SI: variants seen among roughly 807,000 people sequenced by gnomAD.
SI encodes sucrase-isomaltase, also known as sucrase-isomaltase, intestinal.
SI carries 235 observed loss-of-function variants against 253.3 expected under a neutral mutation model. The ratio of observed to expected loss-of-function variants is 0.93; its 90% CI spans 0.83 to 1.03. The LOEUF (loss-of-function observed/expected upper bound fraction) is 1.03, where lower values mean the gene tolerates loss of function less well. Ranked by LOEUF, SI falls within the 50% of genes least tolerant of loss-of-function variation. SI has a pLI of 0.00. For missense variants in SI, 2,442 were observed against 2,211.1 expected (o/e 1.10, Z -2.09); for synonymous variants, 819 against 712.0 (o/e 1.15, Z -2.39).
At chr3:164,990,887 TTAAAG>T (rs1444964591) in intron 44 of SI, among the ~76,000 whole-genome samples, 2 of 149,398 alleles carry the variant, frequency 1.3e-5, no homozygotes, top group South Asian at 2.1e-4. Flanking sequence ...ACCCTAAAAC[TTAAAG>T]TATAGTAAAA....
intron 28 of SI, among the ~76,000 whole-genome samples, chr3:165,018,948 G>A (rs567586642): frequency 4.0e-5 from 6 of 151,794 alleles, no homozygotes; most frequent in East Asian, 3.9e-4. Flanking sequence ...GTATGGTACT[G>A]AGTATATCCT....
intron 34 of SI, among the ~76,000 whole-genome samples, chr3:165,010,688 A>G (rs1490509278): frequency 6.6e-6 from 1 of 152,160 alleles, no homozygotes; most frequent in South Asian, 2.1e-4. Flanking sequence ...TTATTCTATT[A>G]GCTGGCTGCT....
rs180999823 is a variant in SI, at chr3:165,074,588, C to T, written c.198G>A (p.Val66=). Residue 66 remains valine (V), a synonymous_variant, in exon 3 of 48, where the codon GTG becomes GTA. Coordinates refer to ENST00000264382, the MANE Select transcript of SI (RefSeq NM_001041.4). ...NPSDSGKCPN[V]LNDPVNVRIN... is the part of the protein sequence containing the mutation. ...TTCTCACATTGACAGGATCATTTAACACATTTGGACATTTTCCTGAATCAG... is the reference window on the plus strand; with the variant it reads ...TTCTCACATTGACAGGATCATTTAATACATTTGGACATTTTCCTGAATCAG... 180 of 1,609,990 alleles carry T rather than the reference C, an allele frequency of 1.1e-4. No homozygotes were observed. Among genetic ancestry groups the T allele is most frequent in the Middle Eastern group, 1.7e-4 (1 of 6,036 alleles).
At chr3:165,038,953 A>T in intron 20 of SI, 125 bp downstream of exon 20, 1 of 611,022 alleles carries the variant, frequency 1.6e-6, no homozygotes, top group Non-Finnish European at 2.9e-6. Flanking sequence ...TATTTTTTAT[A>T]GTAATGACAG....
upstream of SI, among the ~76,000 whole-genome samples, chr3:165,082,763 AC>A (rs1715379745): frequency 6.6e-6 from 1 of 152,038 alleles, no homozygotes; most frequent in African/African-American, 2.4e-5. Flanking sequence ...AGTGACTGCC[AC>A]TTGTATATCC....
intron 7 of SI, among the ~76,000 whole-genome samples, chr3:165,064,025 C>T: frequency 6.6e-6 from 1 of 151,196 alleles, no homozygotes; most frequent in South Asian, 2.1e-4. Context: ...ATTTGAGATA[C>T]CCTCACTGCA....
rs1453382129 is a variant in SI at position 165,016,867 on chromosome 3, CAT to C, written c.3759+679_3759+680del. On this transcript the variant is annotated intron_variant, in intron 31 of 47. Transcript: ENST00000264382. ...TTGTCAACATATATAATTAATTTCC[CAT>C]ACTAGTTATTCAGGAACTCTATATT... Among the ~76,000 whole-genome samples the C allele has an allele frequency of 3.3e-5, 5 of 151,760 alleles. No homozygotes were observed. The South Asian group carries it at 1.0e-3, about 31-fold the overall frequency.
rs1157798033 is a variant in SI, at chr3:165,039,974, A to G, written c.2160-3T>C. 8 of 1,606,512 alleles carry G rather than the reference A, an allele frequency of 5.0e-6. No individual in the cohort carries two copies. Among genetic ancestry groups the G allele is most frequent in the Non-Finnish European group, 6.8e-6 (8 of 1,173,334 alleles). The stretch of plus-strand genomic sequence containing the variant: ...AGCTGTTCGTATCCTCATAAAACCT[A>G]AGAACAATGACAATGTTTAAAGTAT... On this transcript the variant is annotated splice_region_variant and splice_polypyrimidine_tract_variant and intron_variant, in intron 18 of 47. Transcript: ENST00000264382.
At chr3:164,994,441 G>T (rs999800437) in intron 40 of SI, 36 bp from the exon 41 acceptor site, 1 of 1,604,172 alleles carries the variant, frequency 6.2e-7, no homozygotes, top group Non-Finnish European at 8.5e-7. Flanking sequence ...TATAAGCTTT[G>T]GTCCTTGTTT....
In SI at chr3:165,034,035, G is replaced by A. The variant is rs544119018; in HGVS notation, c.2516-591C>T. ...CTCTTTAAAGAAAAACTGAAGATAA[G>A]GACTGAAATAGTTTGTCATAAACAG... On this transcript the variant is annotated intron_variant, in intron 22 of 47. Coordinates refer to ENST00000264382, the MANE Select transcript of SI (RefSeq NM_001041.4). Among the ~76,000 whole-genome samples, 4 of 151,634 alleles carry A rather than the reference G, an allele frequency of 2.6e-5. No homozygotes were observed. In the East Asian group the frequency reaches 7.8e-4, roughly 30 times the overall value.
At chr3:165,080,512 T>A (rs991568951), upstream of SI, among the ~76,000 whole-genome samples, 11 of 152,078 alleles carry the variant, frequency 7.2e-5, no homozygotes, top group South Asian at 4.1e-4. Flanking sequence ...CAAATGTCCA[T>A]CAATGATAGA....
chr3:165,032,498 A>C, intron 24 of SI, 24 bp downstream of exon 24: 1 of 1,506,858 alleles, frequency 6.6e-7, no homozygotes, highest in South Asian at 1.1e-5. Context: ...TGATAGCTAA[A>C]ATATTTTAAA....
chr3:165,058,986 C>A lies in SI; in HGVS notation c.1375G>T (p.Gly459Ter). Residue 459 changes from glycine (G) to a stop codon, truncating the protein, a stop_gained, in exon 12 of 48, where the codon GGA (glycine) becomes TGA (stop). Transcript: ENST00000264382. LOFTEE classifies it high-confidence loss of function. ...TQHVWINESDGSTPIIGEVWP... is the reference protein window; with the variant it reads ...TQHVWINESD ...ACCTCTCCAATAATTGGTGTACTTCCATCTGACTCATTTATCCACACATGT... is the reference window on the plus strand; with the variant it reads ...ACCTCTCCAATAATTGGTGTACTTCAATCTGACTCATTTATCCACACATGT... The A allele has an allele frequency of 6.2e-7, 1 of 1,611,304 alleles. No individual in the cohort carries two copies. The highest frequency in any genetic ancestry group is 8.5e-7 in the Non-Finnish European group (1 of 1,178,188).
intron 40 of SI, 34 bp from the exon 41 acceptor site, chr3:164,994,439 T>C: frequency 6.2e-7 from 1 of 1,604,938 alleles, no homozygotes; most frequent in Non-Finnish European, 8.5e-7. Flanking sequence ...GTTATAAGCT[T>C]TGGTCCTTGT....
chr3:165,084,099 A>T, the SI span, among the ~76,000 whole-genome samples: 4 of 152,094 alleles, frequency 2.6e-5, no homozygotes, highest in Middle Eastern at 3.4e-3. Context: ...GGTCATTGAG[A>T]TGGAGCTCTT....
At chr3:165,063,176 G>T (rs1274145400) in intron 8 of SI, among the ~76,000 whole-genome samples, 2 of 151,952 alleles carry the variant, frequency 1.3e-5, no homozygotes, top group Non-Finnish European at 2.9e-5. Flanking sequence ...ACACCCATTG[G>T]CATGGATGTG....
Position 165,062,456 on chromosome 3 carries a change from A to C in SI, c.935T>G (p.Val312Gly), listed in dbSNP as rs1323643253. The C allele has an allele frequency of 6.3e-7, 1 of 1,599,002 alleles. No homozygotes were observed. The highest frequency in any genetic ancestry group is 8.6e-7 in the Non-Finnish European group (1 of 1,166,920). ...MEIFIQPTPI[V>G]TYRVTGGILD... ...AATGCCACCGGTAACTCTATATGTTACTATTGGAGTAGGCTGGATAAAAAT... is the reference window on the plus strand; with the variant it reads ...AATGCCACCGGTAACTCTATATGTTCCTATTGGAGTAGGCTGGATAAAAAT... Residue 312 changes from valine (V) to glycine (G), a missense_variant, in exon 9 of 48, where the codon GTA becomes GGA. Transcript: ENST00000264382.
intron 16 of SI, among the ~76,000 whole-genome samples, chr3:165,045,838 A>C (rs1221389218): frequency 1.5e-5 from 2 of 133,896 alleles, no homozygotes; most frequent in East Asian, 4.8e-4. Context: ...ATTTGATAAT[A>C]TGTTTTTCAA....
rs535241759 is a variant in SI, at chr3:165,058,989, C to T, written c.1372G>A (p.Asp458Asn). Residue 458 changes from aspartate (D) to asparagine (N), a missense_variant, in exon 12 of 48, where the codon GAT becomes AAT. Asp to Asn is a conservative substitution (Grantham distance 23). Coordinates refer to ENST00000264382, the MANE Select transcript of SI (RefSeq NM_001041.4). Reference sequence around the variant, plus strand: ...TCTCCAATAATTGGTGTACTTCCATCTGACTCATTTATCCACACATGTTGT... The same window carrying T: ...TCTCCAATAATTGGTGTACTTCCATTTGACTCATTTATCCACACATGTTGT... ...NTQHVWINES[D>N]GSTPIIGEVW... 12 of 1,611,690 alleles carry T rather than the reference C, an allele frequency of 7.4e-6. No homozygotes were observed. In the South Asian group the frequency reaches 1.3e-4, roughly 18 times the overall value.
Sources: gnomAD v4.1 joint callset for allele counts (sites outside exome capture counted in the v4.1 genomes callset) on GRCh38, gnomAD v4.1.1 for gene constraint, MANE v1.5 for transcripts, NCBI Gene and HGNC (gene_info 2026-07-23, HGNC 2026-07-21) for gene names.